FBXO4: variants seen among roughly 807,000 people sequenced by gnomAD.
FBXO4 encodes F-box protein 4.
Under a neutral mutation model 43.7 loss-of-function variants are expected in FBXO4, and 36 were observed. That is an observed-to-expected ratio of 0.82 (90% CI 0.63 to 1.09). FBXO4 has a LOEUF of 1.09. Ranked by LOEUF, FBXO4 falls within the 50% of genes least tolerant of loss-of-function variation. The pLI is 0.00. For synonymous variants in FBXO4, 180 were observed against 165.6 expected, an observed-to-expected ratio of 1.09 and a Z score of -0.67; for missense variants, 435 against 474.1, an observed-to-expected ratio of 0.92 and a Z score of 0.77.
At chr5:41,976,784 T>C in the FBXO4 span, among the ~76,000 whole-genome samples, 2 of 152,224 alleles carry the variant, frequency 1.3e-5, no homozygotes, top group Non-Finnish European at 1.5e-5. Flanking sequence ...TGGCCTCCTT[T>C]CCACAGCTCC....
the FBXO4 span, among the ~76,000 whole-genome samples, chr5:42,011,307 C>T: frequency 2.0e-5 from 3 of 152,104 alleles, no homozygotes; most frequent in Non-Finnish European, 4.4e-5. Flanking sequence ...GGAGTGAGTT[C>T]TAGCTCTCTC....
the FBXO4 span, among the ~76,000 whole-genome samples, chr5:42,001,306 T>C: frequency 2.6e-5 from 4 of 152,130 alleles, no homozygotes; most frequent in African/African-American, 7.2e-5. Context: ...CTCGGCTCAC[T>C]GCAAGCTCCA....
the FBXO4 span, among the ~76,000 whole-genome samples, chr5:41,949,546 G>T: frequency 8.6e-5 from 13 of 151,486 alleles, no homozygotes; most frequent in South Asian, 2.1e-4. Flanking sequence ...TACAAACCAC[G>T]GCTCAAGGAA....
the FBXO4 span, among the ~76,000 whole-genome samples, chr5:42,016,369 T>C: frequency 0.17 from 25,224 of 151,760 alleles, 2,411 homozygotes; most frequent in East Asian, 0.34. Context: ...CCTCCTTTTT[T>C]TTTTCCTTAG....
the FBXO4 span, among the ~76,000 whole-genome samples, chr5:41,948,030 G>A: frequency 6.6e-6 from 1 of 152,058 alleles, no homozygotes; most frequent in Non-Finnish European, 1.5e-5. Context: ...TTAGTCTCTA[G>A]CTATTAAGAT....
the FBXO4 span, chr5:41,951,732 A>G: frequency 4.6e-6 from 1 of 217,978 alleles, no homozygotes; most frequent in Non-Finnish European, 9.1e-6. Context: ...TCCACATAGC[A>G]TGGAGGAAAA....
At chr5:42,010,503 ATCTCAAAAAAAAAAAAAAAGAATTT>A in the FBXO4 span, among the ~76,000 whole-genome samples, 1 of 147,346 alleles carries the variant, frequency 6.8e-6, no homozygotes, top group Non-Finnish European at 1.5e-5. Context: ...GTGAGCCTCC[ATCTCAAAAAAAAAAAAAAAGAATTT>A]ACTTCTTTTC....
rs1342601233 is a variant in FBXO4, at chr5:41,929,699, A to G, written c.428A>G (p.Tyr143Cys). ...DGAFFDYMAV[Y>C]RMCCPYTRRA... Reference sequence around the variant, plus strand: ...CTAATTGTGACAATTTTTTACAGCTATAGAATGTGCTGTCCATACACAAGA... The same window carrying G: ...CTAATTGTGACAATTTTTTACAGCTGTAGAATGTGCTGTCCATACACAAGA... The change falls in exon 3 of 7, where the codon TAT becomes TGT. Residue 143 changes from tyrosine (Y) to cysteine (C), a missense_variant and splice_region_variant. Coordinates refer to ENST00000281623, the MANE Select transcript of FBXO4 (RefSeq NM_012176.3). 1.2e-5 allele frequency: 19 copies of G among 1,596,118 alleles called. No individual in the cohort carries two copies. Among genetic ancestry groups the G allele is most frequent in the Admixed American group, 3.6e-5 (2 of 55,866 alleles).
chr5:42,012,559 A>G, the FBXO4 span, among the ~76,000 whole-genome samples: 1 of 152,140 alleles, frequency 6.6e-6, no homozygotes, highest in Non-Finnish European at 1.5e-5. Context: ...AGTTTTTGAT[A>G]GCAAATTAGG....
chr5:41,930,194 C>A, intron 3 of FBXO4: 2 of 310,456 alleles, frequency 6.4e-6, no homozygotes, highest in Non-Finnish European at 1.2e-5. Flanking sequence ...AGTGGGATAT[C>A]ATATTTATCA....
At chr5:41,953,459 G>A in the FBXO4 span, among the ~76,000 whole-genome samples, 7 of 152,328 alleles carry the variant, frequency 4.6e-5, no homozygotes, top group South Asian at 8.3e-4. Flanking sequence ...ATAAACATAT[G>A]TGTGCACATG....
chr5:41,925,614 G>A, intron 1 of FBXO4, 116 bp downstream of exon 1: 2 of 721,256 alleles, frequency 2.8e-6, no homozygotes, highest in Non-Finnish European at 3.9e-6. Flanking sequence ...GTCTGGCTCC[G>A]TCCATGCAGC....
the FBXO4 span, among the ~76,000 whole-genome samples, chr5:41,959,759 C>T: frequency 1.3e-5 from 2 of 152,138 alleles, no homozygotes; most frequent in East Asian, 1.9e-4. Context: ...GTTTTAATTA[C>T]TATAATTCTC....
rs757232639 is a variant in FBXO4, at chr5:41,925,446, C to G, written c.137C>G (p.Thr46Arg). 1 of 1,360,982 alleles carries G rather than the reference C, an allele frequency of 7.3e-7. No individual in the cohort carries two copies. Among genetic ancestry groups the G allele is most frequent in the Admixed American group, 3.8e-5 (1 of 26,016 alleles). The allele number at this position is 1,360,982 out of a possible 1,614,324, so 84.3% of individuals were successfully genotyped here. A position where few individuals can be genotyped will look rare whatever the true frequency, so the allele number is the denominator to read the frequency against. ...QSVSKERVAR[T>R]TSREEVDEAA... ...GTGAGCAAGGAGAGGGTGGCGCGTA[C>G]GACCTCACGGGAGGAGGTGGATGAG... Residue 46 changes from threonine (T) to arginine (R), a missense_variant, in exon 1 of 7, where the codon ACG (threonine) becomes AGG (arginine). By Grantham distance (71) the Thr-to-Arg change is moderately conservative. Transcript: ENST00000281623.
the FBXO4 span, among the ~76,000 whole-genome samples, chr5:41,980,847 T>C: frequency 1.3e-5 from 2 of 151,944 alleles, no homozygotes; most frequent in Admixed American, 6.6e-5. Flanking sequence ...TATTAAACAA[T>C]TGGAAAATAT....
Position 41,926,417 on chromosome 5 carries a change from T to TA in FBXO4, c.190-590dup, listed in dbSNP as rs570026686. On this transcript the variant is annotated intron_variant, in intron 1 of 6. Coordinates refer to ENST00000281623, the MANE Select transcript of FBXO4 (RefSeq NM_012176.3). Reference sequence around the variant, plus strand: ...TGAAACCCCGTCTCTACTAAAAATATAAAAAATTAGCCGGGCTTGGTGGCA... The same window carrying TA: ...TGAAACCCCGTCTCTACTAAAAATATAAAAAAATTAGCCGGGCTTGGTGGCA... 1.7e-3 allele frequency among the ~76,000 whole-genome samples: 253 copies of TA among 152,020 alleles called. 1 individual carries two copies. Among genetic ancestry groups the TA allele is most frequent in the Non-Finnish European group, 2.9e-3 (194 of 67,950 alleles).
chr5:41,991,747 A>G, the FBXO4 span, among the ~76,000 whole-genome samples: 1 of 152,188 alleles, frequency 6.6e-6, no homozygotes, highest in Non-Finnish European at 1.5e-5. Context: ...AAGAACTTAC[A>G]TGCTTGATCT....
At chr5:42,015,088 T>A in the FBXO4 span, among the ~76,000 whole-genome samples, 1 of 152,120 alleles carries the variant, frequency 6.6e-6, no homozygotes, top group Non-Finnish European at 1.5e-5. Context: ...GTACAGGCAA[T>A]AAGCAGAGGG....
the FBXO4 span, among the ~76,000 whole-genome samples, chr5:41,973,528 A>T: frequency 6.6e-6 from 1 of 152,138 alleles, no homozygotes; most frequent in Non-Finnish European, 1.5e-5. Context: ...AATAATAAAA[A>T]AAACTAGCCA....
Sources: allele counts gnomAD v4.1 joint callset (sites outside exome capture counted in the v4.1 genomes callset), GRCh38; gene constraint gnomAD v4.1.1; transcripts MANE v1.5; gene names NCBI Gene and HGNC (gene_info 2026-07-23, HGNC 2026-07-21).